RNF111: variants seen among roughly 807,000 people sequenced by gnomAD.
RNF111 encodes the protein ring finger protein 111, also known as E3 ubiquitin-protein ligase Arkadia.
In RNF111, 17 loss-of-function variants were observed where a neutral mutation model predicts 95.1. The ratio of observed to expected loss-of-function variants is 0.18; its 90% CI spans 0.12 to 0.27. RNF111 has a LOEUF of 0.27. RNF111 is among the 10% of genes least tolerant of loss of function. RNF111 has a pLI of 1.00. For missense variants in RNF111, 1,189 were observed against 1,210.4 expected (o/e 0.98, Z 0.26); for synonymous variants, 440 against 414.8 (o/e 1.06, Z -0.74).
chr15:59,073,620 G>A (rs776098064), intron 6 of RNF111, among the ~76,000 whole-genome samples: 5 of 152,124 alleles, frequency 3.3e-5, no homozygotes, highest in Non-Finnish European at 5.9e-5. Flanking sequence ...CTGTCTTCAC[G>A]ACATCTGTAG....
Position 59,055,829 on chromosome 15 carries a change from T to C in RNF111, c.1155T>C (p.Leu385=). 1 of 1,610,000 alleles carries C rather than the reference T, an allele frequency of 6.2e-7. No individual in the cohort carries two copies. The highest frequency in any genetic ancestry group is 8.5e-7 in the Non-Finnish European group (1 of 1,177,918). The change falls in exon 4 of 14, where the codon CTT becomes CTC. Residue 385 remains leucine, a synonymous_variant. Coordinates refer to ENST00000348370, the MANE Select transcript of RNF111 (RefSeq NM_017610.8). ...LRQNAAEVVD[L]TVDEDEPTVV... is the part of the protein sequence containing the mutation. ...AGAATGCAGCAGAAGTTGTGGACCTTACCGTTGATGAAGATGGTAAATTGA... is the reference window on the plus strand; with the variant it reads ...AGAATGCAGCAGAAGTTGTGGACCTCACCGTTGATGAAGATGGTAAATTGA...
At chr15:59,058,009 A>G (rs1176365655) in intron 4 of RNF111, among the ~76,000 whole-genome samples, 1 of 152,216 alleles carries the variant, frequency 6.6e-6, no homozygotes, top group Non-Finnish European at 1.5e-5. Flanking sequence ...GCTCGTGACC[A>G]TGTGTACGTG....
At chr15:59,067,961 G>A (rs1280161100) in intron 6 of RNF111, among the ~76,000 whole-genome samples, 3 of 152,100 alleles carry the variant, frequency 2.0e-5, no homozygotes, top group African/African-American at 7.2e-5. Flanking sequence ...TAAATTAGTT[G>A]GTATTATTAT....
intron 6 of RNF111, among the ~76,000 whole-genome samples, chr15:59,070,503 A>C (rs1169749524): frequency 6.6e-6 from 1 of 152,042 alleles, no homozygotes; most frequent in Non-Finnish European, 1.5e-5. Flanking sequence ...AAGGATTTGA[A>C]CCATAAACAT....
At chr15:59,020,550 A>ACT (rs2040289952) in intron 1 of RNF111, among the ~76,000 whole-genome samples, 1 of 152,212 alleles carries the variant, frequency 6.6e-6, no homozygotes, top group African/African-American at 2.4e-5. Flanking sequence ...AACATATTGA[A>ACT]CTTCACCCAG....
rs192097301 is a variant in RNF111 at position 59,062,834 on chromosome 15, C to A, written c.1367-3930C>A. Among the ~76,000 whole-genome samples, 124 of 152,302 alleles carry A rather than the reference C, an allele frequency of 8.1e-4. 1 individual carries two copies. The highest frequency in any genetic ancestry group is 1.7e-3 in the Admixed American group (26 of 15,302). On this transcript the variant is annotated intron_variant, in intron 5 of 13. Coordinates refer to ENST00000348370, the MANE Select transcript of RNF111 (RefSeq NM_017610.8). ...CCAAGATTTCTCAACCTTGGCACTACTATTGACTTTGGGCCAGATAGTTCT... is the reference window on the plus strand; with the variant it reads ...CCAAGATTTCTCAACCTTGGCACTAATATTGACTTTGGGCCAGATAGTTCT...
chr15:58,990,441 CTT>C lies in RNF111; in HGVS notation c.-20+2374_-20+2375del, dbSNP rs2038761304. ...TTGGGAGGCCAAGGCGGGCGAATCACTTGAGGTGACCAGTCTGGCCAAAATGG... is the reference window on the plus strand; with the variant it reads ...TTGGGAGGCCAAGGCGGGCGAATCACGAGGTGACCAGTCTGGCCAAAATGG... On this transcript the variant is annotated intron_variant, in intron 1 of 13. Coordinates refer to ENST00000348370, the MANE Select transcript of RNF111 (RefSeq NM_017610.8). 2.6e-5 allele frequency among the ~76,000 whole-genome samples: 4 copies of C among 152,132 alleles called. No individual in the cohort carries two copies. In the South Asian group the frequency reaches 8.3e-4, roughly 32 times the overall value.
chr15:59,053,623 TC>T (rs1474147749), intron 3 of RNF111, among the ~76,000 whole-genome samples: 1 of 152,154 alleles, frequency 6.6e-6, no homozygotes, highest in Non-Finnish European at 1.5e-5. Context: ...TTTCCCCAAC[TC>T]TGAGTAAAAC....
At chr15:59,029,932 A>G (rs746041511) in intron 1 of RNF111, among the ~76,000 whole-genome samples, 7 of 152,202 alleles carry the variant, frequency 4.6e-5, no homozygotes, top group Non-Finnish European at 7.3e-5. Context: ...TGCACTAGTA[A>G]AGCTCTTCAT....
intron 1 of RNF111, among the ~76,000 whole-genome samples, chr15:58,991,266 G>A (rs188582815): frequency 6.2e-4 from 94 of 152,028 alleles, no homozygotes; most frequent in Non-Finnish European, 1.2e-3. Flanking sequence ...CTCCAGCCTG[G>A]GTGACAGAGC....
chr15:59,092,404 T>A, intron 12 of RNF111, 133 bp from the exon 13 acceptor site: 1 of 833,958 alleles, frequency 1.2e-6, no homozygotes, highest in Non-Finnish European at 1.7e-6. Flanking sequence ...TTTATGACAG[T>A]CTTACCTGGG....
chr15:59,053,151 C>A (rs1220836340), intron 3 of RNF111, among the ~76,000 whole-genome samples: 2 of 152,030 alleles, frequency 1.3e-5, no homozygotes, highest in African/African-American at 2.4e-5. Context: ...GATTCTTTTT[C>A]CTTCACTCAG....
chr15:59,058,094 C>T (rs2042272187), intron 4 of RNF111, among the ~76,000 whole-genome samples: 1 of 152,084 alleles, frequency 6.6e-6, no homozygotes. Flanking sequence ...TAGAAGCTAC[C>T]TGAAAAACTG....
At chr15:59,007,242 C>T (rs1048468197) in intron 1 of RNF111, among the ~76,000 whole-genome samples, 1 of 152,068 alleles carries the variant, frequency 6.6e-6, no homozygotes, top group Non-Finnish European at 1.5e-5. Context: ...CTTTCCCCAT[C>T]CCTTGAAGAC....
At chr15:59,074,964 A>T (rs1336781192) in intron 6 of RNF111, among the ~76,000 whole-genome samples, 2 of 152,310 alleles carry the variant, frequency 1.3e-5, no homozygotes, top group East Asian at 3.9e-4. Flanking sequence ...GCCCAAAGAG[A>T]GGAGAGCAGG....
intron 2 of RNF111, among the ~76,000 whole-genome samples, chr15:59,051,017 C>A (rs1358875664): frequency 6.6e-6 from 1 of 151,984 alleles, no homozygotes; most frequent in Non-Finnish European, 1.5e-5. Flanking sequence ...TATCTAATGT[C>A]ATAACAAAAA....
At chr15:58,995,899 G>A (rs1280397175) in intron 1 of RNF111, among the ~76,000 whole-genome samples, 1 of 150,618 alleles carries the variant, frequency 6.6e-6, no homozygotes, top group African/African-American at 2.4e-5. Context: ...TCCTTTTAGT[G>A]AGCAATCCAA....
chr15:59,070,246 T>A, intron 6 of RNF111, among the ~76,000 whole-genome samples: 1 of 152,038 alleles, frequency 6.6e-6, no homozygotes, highest in East Asian at 1.9e-4. Flanking sequence ...ATACTCATCT[T>A]GCTTACCCTT....
At chr15:59,044,322 C>T (rs533085902) in intron 2 of RNF111, among the ~76,000 whole-genome samples, 80 of 152,314 alleles carry the variant, frequency 5.3e-4, no homozygotes, top group African/African-American at 1.8e-3. Flanking sequence ...TGAGCCACCA[C>T]GCCTGGCCAT....
Sources: gnomAD v4.1 joint callset for allele counts (sites outside exome capture counted in the v4.1 genomes callset) on GRCh38, gnomAD v4.1.1 for gene constraint, MANE v1.5 for transcripts, NCBI Gene and HGNC (gene_info 2026-07-23, HGNC 2026-07-21) for gene names.